The following KDM5A variants were observed in gnomAD, a reference collection of about 807,000 sequenced individuals.
KDM5A encodes the protein lysine demethylase 5A, also known as lysine-specific demethylase 5A.
A neutral mutation model predicts 193.5 loss-of-function variants in KDM5A; 42 were observed. That is an observed-to-expected ratio of 0.22 (90% CI 0.17 to 0.28). The LOEUF (loss-of-function observed/expected upper bound fraction) is 0.28, where lower values mean the gene tolerates loss of function less well. Ranked by LOEUF, KDM5A falls within the 10% of genes least tolerant of loss-of-function variation. The pLI, the probability that KDM5A is intolerant of heterozygous loss-of-function variation, is 1.00. For synonymous variants in KDM5A, 796 were observed against 718.1 expected (o/e 1.11, Z -1.73); for missense variants, 1,692 against 2,055.1 (o/e 0.82, Z 3.42).
intron 3 of KDM5A, among the ~76,000 whole-genome samples, chr12:367,610 A>G (rs1944373596): frequency 6.6e-6 from 1 of 152,074 alleles, no homozygotes; most frequent in African/African-American, 2.4e-5. Flanking sequence ...GCTGAGGCCC[A>G]AGAATCACTT....
chr12:363,174 A>C (rs1944313804), intron 4 of KDM5A, 77 bp from the exon 5 acceptor site: 1 of 1,541,200 alleles, frequency 6.5e-7, no homozygotes, highest in Admixed American at 1.7e-5. Flanking sequence ...AAAAGTAATA[A>C]ATTGCCAATG....
chr12:348,866 C>A (rs1263238660), intron 10 of KDM5A, among the ~76,000 whole-genome samples: 7 of 151,070 alleles, frequency 4.6e-5, no homozygotes, highest in Non-Finnish European at 8.8e-5. Flanking sequence ...ATGTATGAAA[C>A]CTGCATGTTG....
chr12:317,854 GGGAGCTGCACCTCTCCA>G (rs759332919), intron 19 of KDM5A, among the ~76,000 whole-genome samples: 4 of 152,114 alleles, frequency 2.6e-5, no homozygotes, highest in Non-Finnish European at 4.4e-5. Flanking sequence ...GCACCTCTCC[GGGAGCTGCACCTCTCCA>G]GGAGCTGCCT....
chr12:324,896 G>GT (rs1943763764), intron 14 of KDM5A, among the ~76,000 whole-genome samples: 1 of 151,624 alleles, frequency 6.6e-6, no homozygotes, highest in South Asian at 2.1e-4. Flanking sequence ...AAAAAAGAAT[G>GT]TAAGAGCATA....
chr12:305,408 G>A (rs1387815058), intron 24 of KDM5A, among the ~76,000 whole-genome samples: 10 of 152,100 alleles, frequency 6.6e-5, no homozygotes, highest in Non-Finnish European at 1.0e-4. Context: ...ATCTACGAGC[G>A]TCTATGATGG....
rs998513473 is a variant in KDM5A, at chr12:284,217, AATAT to A, written c.*1235_*1238del. 1 of 224,070 alleles carries A rather than the reference AATAT, an allele frequency of 4.5e-6. No homozygotes were observed. The highest frequency in any genetic ancestry group is 8.9e-6 in the Non-Finnish European group (1 of 112,466). The allele number at this position is 224,070 out of a possible 1,614,324, so 13.9% of individuals were successfully genotyped here. On this transcript the variant is annotated 3_prime_UTR_variant, in exon 28 of 28. Transcript: ENST00000399788. ...CTGTCATATGCTGCTGGTAACAGTAAATATATATATTTATATATTCATATATGTA... is the reference window on the plus strand; with the variant it reads ...CTGTCATATGCTGCTGGTAACAGTAAATATATTTATATATTCATATATGTA...
rs147943386 is a variant in KDM5A, at chr12:362,858, G to A, written c.672+105C>T. ...TACCAACCAGCAATACTCAAGAGGC[G>A]GAGGCAAGAGGATCACTTGAGCCAA... On this transcript the variant is annotated intron_variant, in intron 5 of 27. Transcript: ENST00000399788. 3.5e-4 allele frequency: 365 copies of A among 1,029,686 alleles called. 2 individuals carry two copies. Among genetic ancestry groups the A allele is most frequent in the Admixed American group, 2.0e-3 (110 of 54,218 alleles). 63.8% of individuals were successfully genotyped at this position (1,029,686 alleles called of 1,614,324 possible).
chr12:333,684 C>T, intron 11 of KDM5A, 35 bp from the exon 12 acceptor site: 1 of 1,598,430 alleles, frequency 6.3e-7, no homozygotes. Flanking sequence ...CTAGGCAGAA[C>T]ATGGTACCAA....
intron 14 of KDM5A, among the ~76,000 whole-genome samples, chr12:328,303 T>G (rs952748941): frequency 6.6e-6 from 1 of 152,186 alleles, no homozygotes; most frequent in South Asian, 2.1e-4. Context: ...TAGCTAGCTA[T>G]GTAGGAAATA....
intron 24 of KDM5A, among the ~76,000 whole-genome samples, chr12:299,498 G>GA (rs1943414730): frequency 2.0e-5 from 3 of 152,294 alleles, no homozygotes; most frequent in Admixed American, 2.0e-4. Flanking sequence ...AGCAAGTGCT[G>GA]AGAGATTTTC....
At chr12:349,287 TG>T (rs1944119061) in intron 10 of KDM5A, among the ~76,000 whole-genome samples, 1 of 150,934 alleles carries the variant, frequency 6.6e-6, no homozygotes, top group South Asian at 2.1e-4. Flanking sequence ...CCCAAAGTGC[TG>T]GGATTACAGG....
At chr12:348,492 C>T (rs1199769139) in intron 10 of KDM5A, among the ~76,000 whole-genome samples, 1 of 152,132 alleles carries the variant, frequency 6.6e-6, no homozygotes, top group East Asian at 1.9e-4. Flanking sequence ...TTCACAATAG[C>T]AAAGACTTGG....
rs763123903 is a variant in KDM5A, at chr12:352,348, T to C, written c.1030-24A>G. 3.1e-6 allele frequency: 5 copies of C among 1,608,928 alleles called. No individual in the cohort carries two copies. In the African/African-American group the frequency reaches 5.3e-5, roughly 17 times the overall value. On this transcript the variant is annotated intron_variant, in intron 8 of 27. Coordinates refer to ENST00000399788, the MANE Select transcript of KDM5A (RefSeq NM_001042603.3). ...TCCTGGAAAGAAAAAATATGTAAGA[T>C]TAACTTACTGAAACTAAACTGAAGA...
Position 356,605 on chromosome 12 carries a change from G to A in KDM5A, c.673-68C>T. 3 of 965,420 alleles carry A rather than the reference G, an allele frequency of 3.1e-6. No homozygotes were observed. The South Asian group carries it at 4.0e-5, about 13-fold the overall frequency. The allele number at this position is 965,420 out of a possible 1,614,324, so 59.8% of individuals were successfully genotyped here. A position where few individuals can be genotyped will look rare whatever the true frequency, so the allele number is the denominator to read the frequency against. ...TCATGCATTAATTTTTTTACCCAAG[G>A]AAAGTTTCAGAATCCTCTTCAACAC... On this transcript the variant is annotated intron_variant, in intron 5 of 27. Transcript: ENST00000399788.
In KDM5A at chr12:366,174, T is replaced by C. The variant is rs949857032; in HGVS notation, c.367-70A>G. On this transcript the variant is annotated intron_variant, in intron 3 of 27. Coordinates refer to ENST00000399788, the MANE Select transcript of KDM5A (RefSeq NM_001042603.3). ...AGCATCTTGACTCTTAAGTCTTGTC[T>C]ACTAAATAGAAAAATTATTCAGGGC... 4 of 1,346,014 alleles carry C rather than the reference T, an allele frequency of 3.0e-6. No homozygotes were observed. The South Asian group carries it at 4.9e-5, about 17-fold the overall frequency. The allele number at this position is 1,346,014 out of a possible 1,614,324, so 83.4% of individuals were successfully genotyped here. A position where few individuals can be genotyped will look rare whatever the true frequency, so the allele number is the denominator to read the frequency against.
At chr12:369,234 G>A (rs1008578573) in intron 3 of KDM5A, among the ~76,000 whole-genome samples, 1 of 152,188 alleles carries the variant, frequency 6.6e-6, no homozygotes, top group Non-Finnish European at 1.5e-5. Context: ...TACAGAGAAA[G>A]ACACAATGAA....
intron 19 of KDM5A, among the ~76,000 whole-genome samples, chr12:317,515 T>C (rs1466214489): frequency 6.6e-6 from 1 of 152,218 alleles, no homozygotes; most frequent in Non-Finnish European, 1.5e-5. Context: ...CTAAACAAAA[T>C]ACTACTGTGT....
At chr12:344,680 A>G (rs1157002575) in intron 10 of KDM5A, among the ~76,000 whole-genome samples, 1 of 152,236 alleles carries the variant, frequency 6.6e-6, no homozygotes, top group African/African-American at 2.4e-5. Flanking sequence ...CTCATAAGTG[A>G]AGGAGAAATA....
chr12:293,458 T>C (rs1433381671), intron 26 of KDM5A, among the ~76,000 whole-genome samples: 6 of 152,180 alleles, frequency 3.9e-5, no homozygotes, highest in African/African-American at 1.4e-4. Flanking sequence ...TGGTAAACTT[T>C]ATGTTATGTA....
Sources: allele counts gnomAD v4.1 joint callset (sites outside exome capture counted in the v4.1 genomes callset), GRCh38; gene constraint gnomAD v4.1.1; transcripts MANE v1.5; gene names NCBI Gene and HGNC (gene_info 2026-07-23, HGNC 2026-07-21).